Variants in COL28A1 observed in about 807,000 individuals in gnomAD.
The protein encoded by COL28A1 is collagen type XXVIII alpha 1 chain.
In COL28A1, 161 loss-of-function variants were observed where a neutral mutation model predicts 150.2. That is an observed-to-expected ratio of 1.07 (90% CI 0.94 to 1.22). The LOEUF is 1.22. Among genes scored for constraint, COL28A1 ranks in the 50% most tolerant of loss-of-function variants. The pLI is 0.00. For missense variants in COL28A1, 1,617 were observed against 1,388.3 expected (o/e 1.16, Z -2.62); for synonymous variants, 552 against 469.7 (o/e 1.18, Z -2.26).
At chr7:7,543,097 T>C in the COL28A1 span, among the ~76,000 whole-genome samples, 1 of 152,194 alleles carries the variant, frequency 6.6e-6, no homozygotes, top group East Asian at 1.9e-4. Context: ...AATAATAAAA[T>C]ACACAATATT....
At position 7,371,836 on chromosome 7, in the gene COL28A1, T is replaced by A. The variant is rs141841988; in HGVS notation, c.2909-954A>T. ...GGCTGTACAATAAATTCTATTTATT[T>A]TTTATTTATTTTTTGAGACAGAGTC... On this transcript the variant is annotated intron_variant, in intron 32 of 34. Transcript: ENST00000399429. 2.6e-5 allele frequency among the ~76,000 whole-genome samples: 4 copies of A among 152,144 alleles called. No homozygotes were observed. The East Asian group carries it at 7.8e-4, about 30-fold the overall frequency.
At chr7:7,374,550 C>T (rs1781444840) in intron 31 of COL28A1, among the ~76,000 whole-genome samples, 1 of 152,086 alleles carries the variant, frequency 6.6e-6, no homozygotes, top group African/African-American at 2.4e-5. Context: ...TTTAAAAAAA[C>T]CTTCCATTTA....
chr7:7,476,616 A>T (rs1425839101), intron 14 of COL28A1, among the ~76,000 whole-genome samples: 5 of 152,236 alleles, frequency 3.3e-5, no homozygotes, highest in Non-Finnish European at 7.3e-5. Flanking sequence ...TCCAAGAATT[A>T]CATAAGGGAA....
In COL28A1 at chr7:7,516,523, A is replaced by C. The variant is rs1025695387; in HGVS notation, c.856-683T>G. Among the ~76,000 whole-genome samples, 3 of 152,334 alleles carry C rather than the reference A, an allele frequency of 2.0e-5. No individual in the cohort carries two copies. In the East Asian group the frequency reaches 5.8e-4, roughly 29 times the overall value. Reference sequence around the variant, plus strand: ...CTGCCCATGGCCCTTTAAGAAATACAATAGTGAATATTACATGGCCTGGGA... The same window carrying C: ...CTGCCCATGGCCCTTTAAGAAATACCATAGTGAATATTACATGGCCTGGGA... On this transcript the variant is annotated intron_variant, in intron 7 of 34. Transcript: ENST00000399429.
chr7:7,444,290 A>T, intron 19 of COL28A1, 128 bp downstream of exon 19: 1 of 1,261,030 alleles, frequency 7.9e-7, no homozygotes, highest in Non-Finnish European at 1.1e-6. Context: ...GACATTTGGG[A>T]TTGTGAGATA....
chr7:7,392,649 A>G (rs1183052691), intron 27 of COL28A1, among the ~76,000 whole-genome samples: 1 of 152,034 alleles, frequency 6.6e-6, no homozygotes, highest in African/African-American at 2.4e-5. Context: ...ATAGTCCCAT[A>G]TTTCTTGGAG....
intron 20 of COL28A1, 26 bp from the exon 21 acceptor site, chr7:7,440,887 G>A (rs369120434): frequency 1.7e-6 from 2 of 1,205,942 alleles, no homozygotes; most frequent in Non-Finnish European, 2.5e-6. Context: ...TGAAAATATA[G>A]ATTTTCGTAT....
At chr7:7,441,521 A>C (rs999021060) in intron 20 of COL28A1, among the ~76,000 whole-genome samples, 5 of 110,848 alleles carry the variant, frequency 4.5e-5, no homozygotes, top group Non-Finnish European at 9.8e-5. Context: ...CAGCTCAACA[A>C]ACGAAAAAAA....
At chr7:7,394,725 T>C (rs976042229) in intron 27 of COL28A1, among the ~76,000 whole-genome samples, 7 of 152,164 alleles carry the variant, frequency 4.6e-5, no homozygotes, top group Non-Finnish European at 1.0e-4. Flanking sequence ...TAAATGCTAA[T>C]GGAGAAGTAG....
At chr7:7,444,544 T>G (rs1013236804) in intron 18 of COL28A1, 55 bp from the exon 19 acceptor site, 20 of 1,540,510 alleles carry the variant, frequency 1.3e-5, no homozygotes, top group Non-Finnish European at 1.6e-5. Context: ...CATTCTGAGG[T>G]ACTTGCAATT....
chr7:7,380,965 C>T, intron 28 of COL28A1, 103 bp from the exon 29 acceptor site: 2 of 971,610 alleles, frequency 2.1e-6, no homozygotes, highest in East Asian at 2.4e-5. Flanking sequence ...CTCTTGAAGA[C>T]CTTCAGTTCT....
chr7:7,475,451 T>C (rs1277785431), intron 14 of COL28A1, among the ~76,000 whole-genome samples: 1 of 152,192 alleles, frequency 6.6e-6, no homozygotes, highest in Admixed American at 6.5e-5. Flanking sequence ...AGAATATAAC[T>C]GCATATACTT....
chr7:7,409,901 C>T (rs1365717960), intron 27 of COL28A1, among the ~76,000 whole-genome samples: 2 of 152,128 alleles, frequency 1.3e-5, no homozygotes, highest in Admixed American at 6.5e-5. Context: ...ATTCAAGCCC[C>T]ACTCAATTGA....
intron 13 of COL28A1, among the ~76,000 whole-genome samples, chr7:7,478,353 C>T (rs1461881694): frequency 6.6e-6 from 1 of 152,208 alleles, no homozygotes; most frequent in Non-Finnish European, 1.5e-5. Flanking sequence ...GAGCTAGACA[C>T]AGGGTGCTGA....
At chr7:7,490,667 A>G in intron 11 of COL28A1, 21 bp from the exon 12 acceptor site, 1 of 1,005,942 alleles carries the variant, frequency 9.9e-7, no homozygotes, top group Non-Finnish European at 1.6e-6. Flanking sequence ...AAATAGTGAC[A>G]TCAGTTATAT....
At chr7:7,474,339 G>T (rs1165287414) in intron 15 of COL28A1, among the ~76,000 whole-genome samples, 1 of 152,052 alleles carries the variant, frequency 6.6e-6, no homozygotes, top group South Asian at 2.1e-4. Flanking sequence ...ATTGGGTTCA[G>T]TGTATACTGC....
At chr7:7,515,791 T>A (rs745411252) in intron 8 of COL28A1, 23 bp downstream of exon 8, 1 of 941,834 alleles carries the variant, frequency 1.1e-6, no homozygotes, top group Admixed American at 1.8e-5. Context: ...TTCTGGTCAA[T>A]CTATTTGTTG....
chr7:7,419,794 C>A, intron 26 of COL28A1, 91 bp downstream of exon 26: 1 of 756,826 alleles, frequency 1.3e-6, no homozygotes, highest in Admixed American at 3.7e-5. Flanking sequence ...TAAGTCAACA[C>A]CAAGACGAAC....
At chr7:7,422,019 T>C (rs551318189) in intron 25 of COL28A1, among the ~76,000 whole-genome samples, 1 of 152,306 alleles carries the variant, frequency 6.6e-6, no homozygotes, top group South Asian at 2.1e-4. Flanking sequence ...TTAGCACTCC[T>C]TTCTTGAGTA....
Sources: allele counts gnomAD v4.1 joint callset (sites outside exome capture counted in the v4.1 genomes callset), GRCh38; gene constraint gnomAD v4.1.1; transcripts MANE v1.5; gene names NCBI Gene and HGNC (gene_info 2026-07-23, HGNC 2026-07-21).